The following CPEB3 variants were observed in gnomAD, a reference collection of about 807,000 sequenced individuals.
The protein encoded by CPEB3 is cytoplasmic polyadenylation element binding protein 3.
Under a neutral mutation model 67.2 loss-of-function variants are expected in CPEB3, and 20 were observed. That is an observed-to-expected ratio of 0.30 (90% CI 0.21 to 0.43). CPEB3 has a LOEUF of 0.43. CPEB3 is among the 20% of genes least tolerant of loss of function. The pLI is 1.00. For missense variants in CPEB3, 746 were observed against 968.6 expected, an observed-to-expected ratio of 0.77 and a Z score of 3.05; for synonymous variants, 376 against 393.1, an observed-to-expected ratio of 0.96 and a Z score of 0.51.
chr10:92,060,685 C>T (rs935136138), intron 9 of CPEB3, among the ~76,000 whole-genome samples: 3 of 152,056 alleles, frequency 2.0e-5, no homozygotes, highest in African/African-American at 7.2e-5. Flanking sequence ...TCTAATAAAC[C>T]AATCAGATAT....
intron 4 of CPEB3, among the ~76,000 whole-genome samples, chr10:92,164,899 C>T (rs1847662993): frequency 6.6e-6 from 1 of 152,114 alleles, no homozygotes; most frequent in Non-Finnish European, 1.5e-5. Flanking sequence ...TTATTACTAA[C>T]ACAACACTAT....
At chr10:92,261,147 T>C (rs1350385502) in intron 1 of CPEB3, among the ~76,000 whole-genome samples, 2 of 152,160 alleles carry the variant, frequency 1.3e-5, no homozygotes, top group Non-Finnish European at 2.9e-5. Flanking sequence ...TGGATTCTAG[T>C]ATTTGAAACC....
chr10:92,078,813 A>C (rs973435590), intron 9 of CPEB3, among the ~76,000 whole-genome samples: 3 of 152,214 alleles, frequency 2.0e-5, no homozygotes, highest in Admixed American at 2.0e-4. Context: ...TGAGCCTCGC[A>C]GTAGCTGTGA....
At position 92,069,551 on chromosome 10, in the gene CPEB3, G is replaced by A. The variant is rs534368325; in HGVS notation, c.1869+11769C>T. Among the ~76,000 whole-genome samples the A allele has an allele frequency of 1.2e-4, 18 of 152,148 alleles. 2 individuals carry two copies. In the South Asian group the frequency reaches 2.9e-3, roughly 25 times the overall value. On this transcript the variant is annotated intron_variant, in intron 9 of 9. Coordinates refer to ENST00000265997, the MANE Select transcript of CPEB3 (RefSeq NM_014912.5). The stretch of plus-strand genomic sequence containing the variant: ...CCTGAGTAGTTAGCATTATAGGCAC[G>A]TACCACTACCGTCCAGCTAATTTTT...
intron 3 of CPEB3, among the ~76,000 whole-genome samples, chr10:92,181,308 C>T (rs1848448488): frequency 6.9e-6 from 1 of 145,740 alleles, no homozygotes; most frequent in Admixed American, 6.9e-5. Context: ...AACATGCCAA[C>T]TCCTTGGATT....
At chr10:92,094,874 T>G (rs1193410964) in intron 7 of CPEB3, among the ~76,000 whole-genome samples, 1 of 151,804 alleles carries the variant, frequency 6.6e-6, no homozygotes, top group East Asian at 1.9e-4. Context: ...TAATCTCTCT[T>G]CTAATCTCAT....
chr10:92,181,169 A>G (rs777158049), intron 3 of CPEB3, 150 bp from the exon 4 acceptor site: 38 of 509,464 alleles, frequency 7.5e-5, no homozygotes, highest in Non-Finnish European at 1.2e-4. Flanking sequence ...TTTAAAAATT[A>G]AGTCATAAAA....
intron 9 of CPEB3, among the ~76,000 whole-genome samples, chr10:92,063,513 C>T (rs1842436129): frequency 6.6e-6 from 1 of 152,130 alleles, no homozygotes; most frequent in Non-Finnish European, 1.5e-5. Flanking sequence ...GCCTGTAATC[C>T]CAGCACTTTG....
At chr10:92,108,814 G>T (rs1844593427) in intron 7 of CPEB3, among the ~76,000 whole-genome samples, 1 of 152,140 alleles carries the variant, frequency 6.6e-6, no homozygotes, top group Non-Finnish European at 1.5e-5. Flanking sequence ...ATTTTCAAAA[G>T]TCCTTCAATC....
chr10:92,081,512 A>C lies in CPEB3; in HGVS notation c.1688-11T>G. 1 of 1,608,902 alleles carries C rather than the reference A, an allele frequency of 6.2e-7. No individual in the cohort carries two copies. Reference sequence around the variant, plus strand: ...TCATTGCCAGTTCAACTGCAAAAAAAAAACAAAACATGGATGTGTATAAAT... The same window carrying C: ...TCATTGCCAGTTCAACTGCAAAAAACAAACAAAACATGGATGTGTATAAAT... On this transcript the variant is annotated splice_polypyrimidine_tract_variant and intron_variant, in intron 8 of 9. Coordinates refer to ENST00000265997, the MANE Select transcript of CPEB3 (RefSeq NM_014912.5).
chr10:92,242,327 A>G (rs563413325), intron 1 of CPEB3, among the ~76,000 whole-genome samples: 21 of 152,350 alleles, frequency 1.4e-4, no homozygotes, highest in African/African-American at 5.1e-4. Flanking sequence ...AATCTATTTA[A>G]GATTGCTTTT....
intron 2 of CPEB3, among the ~76,000 whole-genome samples, chr10:92,218,297 C>T (rs1402531489): frequency 2.0e-5 from 3 of 152,118 alleles, no homozygotes; most frequent in Non-Finnish European, 4.4e-5. Flanking sequence ...ATCCCAGCTA[C>T]TTGGGAAGCT....
chr10:92,289,498 C>A (rs181700935), intron 1 of CPEB3, among the ~76,000 whole-genome samples: 7 of 150,594 alleles, frequency 4.6e-5, no homozygotes, highest in East Asian at 2.0e-4. Context: ...GTCAAGACAG[C>A]GCCACTGCAC....
intron 1 of CPEB3, among the ~76,000 whole-genome samples, chr10:92,257,157 T>C (rs1186813518): frequency 2.6e-5 from 4 of 152,250 alleles, no homozygotes; most frequent in South Asian, 4.1e-4. Context: ...ATAATTTACC[T>C]TTCTCCTGTT....
intron 2 of CPEB3, among the ~76,000 whole-genome samples, chr10:92,233,851 G>A (rs895098752): frequency 5.9e-5 from 9 of 152,038 alleles, no homozygotes; most frequent in East Asian, 3.9e-4. Flanking sequence ...GGCTCATGCC[G>A]GTAATCCCAG....
intron 2 of CPEB3, among the ~76,000 whole-genome samples, chr10:92,212,629 A>T (rs1156495759): frequency 6.6e-6 from 1 of 152,244 alleles, no homozygotes; most frequent in African/African-American, 2.4e-5. Flanking sequence ...TCGCTAGAAT[A>T]AACTGAGATG....
chr10:92,187,676 C>T (rs920745308), intron 3 of CPEB3, among the ~76,000 whole-genome samples: 1 of 152,120 alleles, frequency 6.6e-6, no homozygotes, highest in Non-Finnish European at 1.5e-5. Context: ...GCTTAGTGAA[C>T]CTGCATCATA....
In CPEB3 at chr10:92,271,312, G is replaced by A. The variant is rs527678520; in HGVS notation, c.-12+19614C>T. 3.9e-5 allele frequency among the ~76,000 whole-genome samples: 6 copies of A among 152,176 alleles called. No homozygotes were observed. The South Asian group carries it at 6.2e-4, about 16-fold the overall frequency. On this transcript the variant is annotated intron_variant, in intron 1 of 9. Coordinates refer to ENST00000265997, the MANE Select transcript of CPEB3 (RefSeq NM_014912.5). Reference sequence around the variant, plus strand: ...TGTTAACAAATCTTATATTATCATGGTATAATTATCAAAATCAGGAAATTA... The same window carrying A: ...TGTTAACAAATCTTATATTATCATGATATAATTATCAAAATCAGGAAATTA...
chr10:92,253,481 A>AAAAAAG (rs1564910688), intron 1 of CPEB3, among the ~76,000 whole-genome samples: 4 of 144,824 alleles, frequency 2.8e-5, no homozygotes, highest in Non-Finnish European at 4.5e-5. Flanking sequence ...AAAAAAAAAA[A>AAAAAAG]AAAGAAAAGA....
Sources: gnomAD v4.1 joint callset for allele counts (sites outside exome capture counted in the v4.1 genomes callset) on GRCh38, gnomAD v4.1.1 for gene constraint, MANE v1.5 for transcripts, NCBI Gene and HGNC (gene_info 2026-07-23, HGNC 2026-07-21) for gene names.